SHROOM4: variants seen among roughly 807,000 people sequenced by gnomAD.
SHROOM4 encodes shroom family member 4, also known as protein Shroom4.
Under a neutral mutation model 80.3 loss-of-function variants are expected in SHROOM4, and 17 were observed. The ratio of observed to expected loss-of-function variants is 0.21; its 90% CI spans 0.14 to 0.32. The LOEUF (loss-of-function observed/expected upper bound fraction) is 0.32, where lower values mean the gene tolerates loss of function less well. Ranked by LOEUF, SHROOM4 falls within the 10% of genes least tolerant of loss-of-function variation. The pLI, the probability that SHROOM4 is intolerant of heterozygous loss-of-function variation, is 1.00. For missense variants in SHROOM4, 993 were observed against 1,140.3 expected, an observed-to-expected ratio of 0.87 and a Z score of 1.86; for synonymous variants, 400 against 437.5, an observed-to-expected ratio of 0.91 and a Z score of 1.07.
chrX:50,639,603 G>T (rs896722448), intron 2 of SHROOM4, among the ~76,000 whole-genome samples: 24 of 111,208 alleles, frequency 2.2e-4, no homozygotes, highest in Non-Finnish European at 3.4e-4. Flanking sequence ...ATAGGATAAG[G>T]GCCCCTGCCT....
At chrX:50,675,883 A>G (rs1318266242) in intron 2 of SHROOM4, among the ~76,000 whole-genome samples, 1 of 111,566 alleles carries the variant, frequency 9.0e-6, no homozygotes, top group Non-Finnish European at 1.9e-5. Context: ...TGAATAAGAC[A>G]AAGAGATGAA....
At chrX:50,700,192 A>C (rs1424558888) in intron 1 of SHROOM4, among the ~76,000 whole-genome samples, 2 of 112,472 alleles carry the variant, frequency 1.8e-5, no homozygotes, top group Admixed American at 1.9e-4. Context: ...AATTGTTTAA[A>C]TTGATGTGTT....
chrX:50,693,962 C>T (rs1181786560), intron 2 of SHROOM4, among the ~76,000 whole-genome samples: 3 of 111,605 alleles, frequency 2.7e-5, no homozygotes, highest in Non-Finnish European at 5.6e-5. Context: ...TGAGTGAGAA[C>T]ATGTAATATT....
intron 3 of SHROOM4, among the ~76,000 whole-genome samples, chrX:50,636,170 T>C (rs1388616786): frequency 9.1e-6 from 1 of 110,307 alleles, no homozygotes; most frequent in Non-Finnish European, 1.9e-5. Flanking sequence ...GGGTCACTTG[T>C]CCTCATCCTA....
chrX:50,681,193 A>G (rs1433185521), intron 2 of SHROOM4, among the ~76,000 whole-genome samples: 2 of 111,345 alleles, frequency 1.8e-5, no homozygotes, highest in Non-Finnish European at 3.8e-5. Context: ...TGCCCCCTAC[A>G]GTCTGTTTCC....
chrX:50,789,243 T>C (rs1935809362), intron 1 of SHROOM4, among the ~76,000 whole-genome samples: 2 of 111,478 alleles, frequency 1.8e-5, no homozygotes, highest in East Asian at 2.8e-4. Context: ...TTCTCCAGAA[T>C]AGATCACATG....
At chrX:50,667,847 G>GA (rs1932737558) in intron 2 of SHROOM4, among the ~76,000 whole-genome samples, 1 of 111,631 alleles carries the variant, frequency 9.0e-6, no homozygotes, top group Admixed American at 9.5e-5. Context: ...CAACAACCTG[G>GA]AAATACTTGT....
At chrX:50,771,328 G>T (rs1935389009) in intron 1 of SHROOM4, among the ~76,000 whole-genome samples, 2 of 112,010 alleles carry the variant, frequency 1.8e-5, no homozygotes, top group Non-Finnish European at 3.8e-5. Context: ...AAACTGTGTG[G>T]TTGGCAAAAA....
rs1557273780 is a variant in SHROOM4, at chrX:50,813,969, C to G, written c.50G>C (p.Gly17Ala). ...AAGGGTGAAGCCCCAGGGTGCCCCC[C>G]CTTGCAGCTGCACAGGGACGTACTG... ...SFQYVPVQLQ[G>A]GAPWGFTLKG... Residue 17 changes from glycine (G) to alanine (A), a missense_variant, in exon 1 of 9, where the codon GGG (glycine) becomes GCG (alanine). Physicochemically the swap from Gly to Ala is moderately conservative, Grantham distance 60. Transcript: ENST00000376020. The G allele has an allele frequency of 3.3e-6, 4 of 1,209,594 alleles. No individual in the cohort carries two copies. Among genetic ancestry groups the G allele is most frequent in the African/African-American group, 1.7e-5 (1 of 57,681 alleles).
chrX:50,811,144 A>C (rs953007500), intron 1 of SHROOM4, among the ~76,000 whole-genome samples: 14 of 110,400 alleles, frequency 1.3e-4, no homozygotes, highest in Non-Finnish European at 1.9e-4. Context: ...ACAAAAATAC[A>C]AAAATACAAA....
chrX:50,795,116 TATATATATATG>T (rs1935961087), intron 1 of SHROOM4, among the ~76,000 whole-genome samples: 3 of 5,413 alleles, frequency 5.5e-4, no homozygotes, highest in African/African-American at 9.4e-4. Flanking sequence ...ATATATATGA[TATATATATATG>T]ATATATATAT....
chrX:50,598,350 G>A lies in SHROOM4; in HGVS notation c.4128C>T (p.Val1376=), dbSNP rs1186062126. 3 of 1,209,111 alleles carry A rather than the reference G, an allele frequency of 2.5e-6. No individual in the cohort carries two copies. The highest frequency in any genetic ancestry group is 3.4e-6 in the Non-Finnish European group (3 of 895,048). ...GTCCAGAGAGTGACAGCAACAGGTT[G>A]ACCACTTTGTCCAGGTCCCCAACAA... ...HLFVGDLDKV[V]NLLLSLSGRL... is the part of the protein sequence containing the mutation. The change falls in exon 8 of 9, where the codon GTC becomes GTT. Residue 1376 remains valine, a synonymous_variant. Transcript: ENST00000376020.
chrX:50,806,387 C>A (rs782600575), intron 1 of SHROOM4, among the ~76,000 whole-genome samples: 26 of 112,032 alleles, frequency 2.3e-4, no homozygotes, highest in African/African-American at 7.8e-4. Context: ...TCTGACCAAG[C>A]AAACATGCCA....
chrX:50,703,666 C>T (rs1442170465), intron 1 of SHROOM4, among the ~76,000 whole-genome samples: 1 of 111,990 alleles, frequency 8.9e-6, no homozygotes, highest in Admixed American at 9.5e-5. Flanking sequence ...CACTTCTTCA[C>T]GCTCTCTCTC....
intron 1 of SHROOM4, among the ~76,000 whole-genome samples, chrX:50,801,558 C>T (rs186705123): frequency 1.8e-3 from 196 of 111,583 alleles, no homozygotes; most frequent in African/African-American, 6.2e-3. Flanking sequence ...GGCTAAGAGC[C>T]AAAACCCTCT....
intron 5 of SHROOM4, among the ~76,000 whole-genome samples, chrX:50,612,878 T>C (rs1390951516): frequency 9.0e-6 from 1 of 111,045 alleles, no homozygotes; most frequent in Admixed American, 9.5e-5. Flanking sequence ...ATTTCCATAA[T>C]ACCATCATTA....
the SHROOM4 span, among the ~76,000 whole-genome samples, chrX:50,576,143 A>T: frequency 9.0e-6 from 1 of 111,587 alleles, no homozygotes; most frequent in South Asian, 3.8e-4. Flanking sequence ...TCTCTAGGTG[A>T]GAAAAGAAAC....
chrX:50,692,876 CA>C (rs1841396219), intron 2 of SHROOM4, among the ~76,000 whole-genome samples: 1 of 111,577 alleles, frequency 9.0e-6, no homozygotes, highest in South Asian at 3.8e-4. Flanking sequence ...GGATATAGAA[CA>C]TGAGGATAAT....
rs1184036370 is a variant in SHROOM4 at position 50,588,799 on chromosome X, T to C, written c.*7896A>G. 2.7e-5 allele frequency among the ~76,000 whole-genome samples: 3 copies of C among 112,471 alleles called. No individual in the cohort carries two copies. Among genetic ancestry groups the C allele is most frequent in the African/African-American group, 9.7e-5 (3 of 30,948 alleles). The stretch of plus-strand genomic sequence containing the variant: ...ACTACATGGCAGACATTATTTTAAG[T>C]GCTTCATGTGAATTATCTCATTTAA... On this transcript the variant is annotated 3_prime_UTR_variant, in exon 9 of 9. Coordinates refer to ENST00000376020, the MANE Select transcript of SHROOM4 (RefSeq NM_020717.5).
Sources: allele counts gnomAD v4.1 joint callset (sites outside exome capture counted in the v4.1 genomes callset), GRCh38; gene constraint gnomAD v4.1.1; transcripts MANE v1.5; gene names NCBI Gene and HGNC (gene_info 2026-07-23, HGNC 2026-07-21).